PDE4B: variants seen among roughly 807,000 people sequenced by gnomAD.
PDE4B encodes phosphodiesterase 4B.
A neutral mutation model predicts 82.2 loss-of-function variants in PDE4B; 20 were observed. That is an observed-to-expected ratio of 0.24 (90% confidence interval 0.17 to 0.35). The LOEUF is 0.35. Ranked by LOEUF, PDE4B falls within the 10% of genes least tolerant of loss-of-function variation. The pLI is 1.00. For missense variants in PDE4B, 655 were observed against 907.2 expected (o/e 0.72, Z 3.57); for synonymous variants, 320 against 318.9 (o/e 1.00, Z -0.04).
chr1:65,859,907 G>C (rs574787277), intron 1 of PDE4B, among the ~76,000 whole-genome samples: 4 of 152,082 alleles, frequency 2.6e-5, no homozygotes, highest in African/African-American at 4.8e-5. Flanking sequence ...CCTACCCCTC[G>C]TTTTTGCCCA....
At chr1:66,158,253 A>C (rs1421848232) in intron 3 of PDE4B, among the ~76,000 whole-genome samples, 1 of 152,232 alleles carries the variant, frequency 6.6e-6, no homozygotes, top group East Asian at 1.9e-4. Flanking sequence ...CAACAGAAAC[A>C]ATCAAGAGTG....
intron 1 of PDE4B, among the ~76,000 whole-genome samples, chr1:65,884,390 G>T (rs536057169): frequency 6.6e-6 from 1 of 151,992 alleles, no homozygotes; most frequent in Non-Finnish European, 1.5e-5. Context: ...TCCTGGGAGG[G>T]TGTATGTGTC....
At chr1:65,803,474 G>C (rs1645719187) in intron 1 of PDE4B, among the ~76,000 whole-genome samples, 1 of 152,074 alleles carries the variant, frequency 6.6e-6, no homozygotes, top group Non-Finnish European at 1.5e-5. Flanking sequence ...TTTTCAAAGA[G>C]AACAATAAAA....
chr1:65,989,893 A>ACT (rs373515494), intron 3 of PDE4B, among the ~76,000 whole-genome samples: 1 of 142,538 alleles, frequency 7.0e-6, no homozygotes, highest in African/African-American at 2.6e-5. Flanking sequence ...AAAGTGTCTC[A>ACT]TTTTTTTTTT....
chr1:66,173,027 TA>T (rs1298096436), intron 3 of PDE4B, among the ~76,000 whole-genome samples: 3 of 152,196 alleles, frequency 2.0e-5, no homozygotes, highest in Non-Finnish European at 4.4e-5. Flanking sequence ...ATCAGCATGT[TA>T]AAACAATTAT....
At chr1:66,113,769 A>C (rs1227947504) in intron 3 of PDE4B, among the ~76,000 whole-genome samples, 1 of 152,222 alleles carries the variant, frequency 6.6e-6, no homozygotes, top group Admixed American at 6.5e-5. Context: ...GAAATAGCTC[A>C]GTTTCTTTAA....
chr1:65,811,326 G>A (rs532711620), intron 1 of PDE4B, among the ~76,000 whole-genome samples: 5 of 152,172 alleles, frequency 3.3e-5, no homozygotes, highest in African/African-American at 9.7e-5. Flanking sequence ...CATGGACTAC[G>A]TCTTGTCTTC....
chr1:66,346,082 G>T (rs1661374403), intron 8 of PDE4B, among the ~76,000 whole-genome samples: 1 of 152,092 alleles, frequency 6.6e-6, no homozygotes, highest in Admixed American at 6.6e-5. Flanking sequence ...CACTCTCTGG[G>T]GAGCCTATTT....
At chr1:66,345,793 C>A (rs1220657207) in intron 8 of PDE4B, among the ~76,000 whole-genome samples, 1 of 152,166 alleles carries the variant, frequency 6.6e-6, no homozygotes, top group Non-Finnish European at 1.5e-5. Context: ...GAGAAACCCT[C>A]ATCTGGTTCC....
At chr1:66,154,338 G>A (rs901117586) in intron 3 of PDE4B, among the ~76,000 whole-genome samples, 1 of 152,178 alleles carries the variant, frequency 6.6e-6, no homozygotes, top group Non-Finnish European at 1.5e-5. Context: ...GGAATGACCA[G>A]GCGGTTCTCC....
intron 3 of PDE4B, among the ~76,000 whole-genome samples, chr1:66,206,221 T>A (rs1342678616): frequency 6.6e-6 from 1 of 152,190 alleles, no homozygotes; most frequent in East Asian, 1.9e-4. Flanking sequence ...TCCAGTTTCC[T>A]TCAGGGAAAC....
At chr1:66,042,883 A>G (rs1397448868) in intron 3 of PDE4B, among the ~76,000 whole-genome samples, 10 of 151,858 alleles carry the variant, frequency 6.6e-5, no homozygotes, top group Non-Finnish European at 1.5e-4. Flanking sequence ...CAACAGTAAT[A>G]TAAGTCCAGT....
intron 7 of PDE4B, among the ~76,000 whole-genome samples, chr1:66,314,019 G>A (rs1658849678): frequency 6.6e-6 from 1 of 152,032 alleles, no homozygotes. Context: ...CCACTCTAAG[G>A]CTTTGTGACA....
At chr1:66,270,482 A>G (rs1357222111) in intron 7 of PDE4B, among the ~76,000 whole-genome samples, 1 of 152,240 alleles carries the variant, frequency 6.6e-6, no homozygotes, top group African/African-American at 2.4e-5. Context: ...TCAGAAAGTC[A>G]TGACATTGAT....
Position 66,114,739 on chromosome 1 carries a change from G to A in PDE4B, c.282-132721G>A, listed in dbSNP as rs1432489983. On this transcript the variant is annotated intron_variant, in intron 3 of 16. Transcript: ENST00000341517. ...CAACCTCTGCTTCCTGGGTTCAAGCGATTCTCCTGCCTCAGCCTCCCGGGT... is the reference window on the plus strand; with the variant it reads ...CAACCTCTGCTTCCTGGGTTCAAGCAATTCTCCTGCCTCAGCCTCCCGGGT... Among the ~76,000 whole-genome samples, 5 of 150,230 alleles carry A rather than the reference G, an allele frequency of 3.3e-5. No individual in the cohort carries two copies. The South Asian group carries it at 6.5e-4, about 20-fold the overall frequency.
chr1:66,319,549 C>G (rs537568878), intron 7 of PDE4B, among the ~76,000 whole-genome samples: 3 of 152,318 alleles, frequency 2.0e-5, no homozygotes, highest in Admixed American at 1.3e-4. Context: ...AGCTCATCTT[C>G]TTAAAGATTG....
chr1:65,918,751 C>T lies in PDE4B; in HGVS notation c.197C>T (p.Pro66Leu), dbSNP rs1647190453. The T allele has an allele frequency of 6.2e-7, 1 of 1,614,026 alleles. No homozygotes were observed. Among genetic ancestry groups the T allele is most frequent in the Non-Finnish European group, 8.5e-7 (1 of 1,179,872 alleles). Residue 66 changes from proline to leucine, a missense_variant, in exon 3 of 17, where the codon CCT (proline) becomes CTT (leucine). Physicochemically the swap from Pro to Leu is moderately conservative, Grantham distance 98 (BLOSUM62 -3). Transcript: ENST00000341517. ...AGACAGAGTGAAAGGGCAAGGACTCCTGAGGGAGATGGTATTTCCAGGCCG... is the reference window on the plus strand; with the variant it reads ...AGACAGAGTGAAAGGGCAAGGACTCTTGAGGGAGATGGTATTTCCAGGCCG... The part of the protein sequence containing the change: ...SQRQSERART[P>L]EGDGISRPTT...
intron 3 of PDE4B, among the ~76,000 whole-genome samples, chr1:66,071,182 C>G (rs1656139023): frequency 6.6e-6 from 1 of 152,038 alleles, no homozygotes; most frequent in Admixed American, 6.6e-5. Context: ...AGCAGGCTCA[C>G]TTTTTCTCCA....
chr1:66,269,434 T>C (rs1440698926), intron 7 of PDE4B, among the ~76,000 whole-genome samples: 1 of 152,216 alleles, frequency 6.6e-6, no homozygotes, highest in Admixed American at 6.5e-5. Context: ...AGCATCTGAA[T>C]TTGTTTCACA....
Sources: gnomAD v4.1 joint callset for allele counts (sites outside exome capture counted in the v4.1 genomes callset) on GRCh38, gnomAD v4.1.1 for gene constraint, MANE v1.5 for transcripts, NCBI Gene and HGNC (gene_info 2026-07-23, HGNC 2026-07-21) for gene names.